Variants in XIRP2 observed in about 807,000 individuals in gnomAD.
XIRP2 encodes xin actin-binding repeat-containing protein 2.
Under a neutral mutation model 277.0 loss-of-function variants are expected in XIRP2, and 236 were observed. The observed-to-expected ratio is 0.85, with a 90% CI of 0.77 to 0.95. The LOEUF (loss-of-function observed/expected upper bound fraction) is 0.95. Among genes scored for constraint, XIRP2 ranks in the 40% least tolerant of loss-of-function variants. The pLI, the probability that XIRP2 is intolerant of heterozygous loss-of-function variation, is 0.00. For missense variants in XIRP2, 4,640 were observed against 4,157.5 expected, an observed-to-expected ratio of 1.12 and a Z score of -3.19; for synonymous variants, 1,490 against 1,416.5, an observed-to-expected ratio of 1.05 and a Z score of -1.17.
At chr2:166,926,314 A>G (rs924439862) in intron 2 of XIRP2, among the ~76,000 whole-genome samples, 2 of 152,042 alleles carry the variant, frequency 1.3e-5, no homozygotes, top group Admixed American at 6.6e-5. Flanking sequence ...ACAATCTATC[A>G]TTATTGAAAT....
chr2:167,180,003 G>C (rs1692970298), intron 3 of XIRP2, among the ~76,000 whole-genome samples: 1 of 152,142 alleles, frequency 6.6e-6, no homozygotes, highest in African/African-American at 2.4e-5. Context: ...ATAAATAACA[G>C]AAAGTTGTCT....
intron 2 of XIRP2, among the ~76,000 whole-genome samples, chr2:167,088,857 C>T (rs1464167954): frequency 6.6e-5 from 10 of 152,078 alleles, no homozygotes; most frequent in Admixed American, 3.9e-4. Flanking sequence ...CACTATGCCC[C>T]AAGATAGATC....
chr2:167,212,446 T>A (rs1694076974), intron 4 of XIRP2, among the ~76,000 whole-genome samples: 1 of 152,206 alleles, frequency 6.6e-6, no homozygotes, highest in Non-Finnish European at 1.5e-5. Flanking sequence ...TTATGATGTG[T>A]TTAAAAAGGG....
At chr2:166,943,230 T>C in intron 2 of XIRP2, among the ~76,000 whole-genome samples, 1 of 152,270 alleles carries the variant, frequency 6.6e-6, no homozygotes, top group East Asian at 1.9e-4. Flanking sequence ...ATTTGTACCT[T>C]TTTATCTTCA....
chr2:167,220,870 G>A (rs1409833869), intron 5 of XIRP2, among the ~76,000 whole-genome samples: 3 of 152,144 alleles, frequency 2.0e-5, no homozygotes, highest in Non-Finnish European at 4.4e-5. Context: ...CCTTGCAAAT[G>A]TAGTTTATTA....
chr2:167,113,286 C>A (rs556436553), intron 2 of XIRP2, among the ~76,000 whole-genome samples: 1 of 152,138 alleles, frequency 6.6e-6, no homozygotes, highest in African/African-American at 2.4e-5. Flanking sequence ...GAATCTAAAT[C>A]TCTTATAGGT....
At chr2:167,093,372 G>C (rs565924604) in intron 2 of XIRP2, among the ~76,000 whole-genome samples, 1 of 151,982 alleles carries the variant, frequency 6.6e-6, no homozygotes, top group East Asian at 1.9e-4. Context: ...GAACATGCAG[G>C]TTTATTACAT....
chr2:167,025,669 G>T (rs371184914), intron 2 of XIRP2, among the ~76,000 whole-genome samples: 4,556 of 152,042 alleles, frequency 0.03, 77 homozygotes, highest in East Asian at 0.081. Flanking sequence ...TGTTCTCATT[G>T]GTTTCAAAGA....
At chr2:166,950,482 G>T (rs1014097057) in intron 2 of XIRP2, among the ~76,000 whole-genome samples, 2 of 152,014 alleles carry the variant, frequency 1.3e-5, no homozygotes, top group Non-Finnish European at 2.9e-5. Flanking sequence ...AAATAGGTTG[G>T]AAGGCAGAAT....
At chr2:167,238,206 T>A (rs1306856425) in intron 5 of XIRP2, among the ~76,000 whole-genome samples, 3 of 152,204 alleles carry the variant, frequency 2.0e-5, no homozygotes, top group Non-Finnish European at 4.4e-5. Context: ...AACTTTTCCT[T>A]AGCACAAACT....
chr2:167,020,107 T>C (rs1574170070), intron 2 of XIRP2, among the ~76,000 whole-genome samples: 1 of 152,016 alleles, frequency 6.6e-6, no homozygotes, highest in Non-Finnish European at 1.5e-5. Flanking sequence ...AATTAGAACA[T>C]TTGTTTCAAT....
rs908014063 is a variant in XIRP2 at position 167,052,188 on chromosome 2, G to A, written c.409-83721G>A. On this transcript the variant is annotated intron_variant, in intron 2 of 10. Coordinates refer to ENST00000409195, the MANE Select transcript of XIRP2 (RefSeq NM_152381.6). Reference sequence around the variant, plus strand: ...TACAGTTCATCCCCAAAACAGCCTTGGAGACTAAATGTTCTTATTCTTTTT... The same window carrying A: ...TACAGTTCATCCCCAAAACAGCCTTAGAGACTAAATGTTCTTATTCTTTTT... Among the ~76,000 whole-genome samples, 10 of 152,038 alleles carry A rather than the reference G, an allele frequency of 6.6e-5. No homozygotes were observed. In the Middle Eastern group the frequency reaches 0.01, roughly 155 times the overall value.
intron 2 of XIRP2, among the ~76,000 whole-genome samples, chr2:166,973,230 A>G (rs1021360676): frequency 6.6e-6 from 1 of 152,196 alleles, no homozygotes; most frequent in African/African-American, 2.4e-5. Context: ...ATTAAGTCAG[A>G]AATAACTGCT....
chr2:167,237,525 C>T (rs2105425586), intron 5 of XIRP2, among the ~76,000 whole-genome samples: 1 of 152,224 alleles, frequency 6.6e-6, no homozygotes, highest in South Asian at 2.1e-4. Context: ...AAAAGCCAGA[C>T]TCTGCCATGT....
At chr2:166,907,581 G>A (rs897944405) in intron 2 of XIRP2, among the ~76,000 whole-genome samples, 1 of 151,708 alleles carries the variant, frequency 6.6e-6, no homozygotes, top group Non-Finnish European at 1.5e-5. Flanking sequence ...TCCTCAGGTA[G>A]GTTACCCAGA....
intron 2 of XIRP2, among the ~76,000 whole-genome samples, chr2:167,131,070 G>T (rs1023293109): frequency 6.6e-6 from 1 of 151,990 alleles, no homozygotes; most frequent in African/African-American, 2.4e-5. Context: ...ATGTTCATTA[G>T]ACTTTGCATC....
At chr2:167,050,809 AC>A (rs1350407253) in intron 2 of XIRP2, among the ~76,000 whole-genome samples, 2 of 120,774 alleles carry the variant, frequency 1.7e-5, no homozygotes, top group African/African-American at 7.8e-5. Flanking sequence ...CACTGCTGGC[AC>A]ATTTTTTTTT....
chr2:167,258,505 A>T lies in XIRP2; in HGVS notation c.*688A>T, dbSNP rs778991603. The T allele has an allele frequency of 6.2e-7, 1 of 1,613,200 alleles. No homozygotes were observed. Among genetic ancestry groups the T allele is most frequent in the Non-Finnish European group, 8.5e-7 (1 of 1,179,624 alleles). ...CTGAAGACACAAAGAGTAACAGGAA[A>T]AGTGCTATGGATCTTAATGACAACA... On this transcript the variant is annotated 3_prime_UTR_variant, in exon 11 of 11. Transcript: ENST00000409195.
At chr2:166,912,500 G>T (rs964142417) in intron 2 of XIRP2, among the ~76,000 whole-genome samples, 3 of 152,076 alleles carry the variant, frequency 2.0e-5, no homozygotes, top group Non-Finnish European at 2.9e-5. Context: ...ATTCTAGTTA[G>T]CCATTAGTCT....
Sources: gnomAD v4.1 joint callset for allele counts (sites outside exome capture counted in the v4.1 genomes callset) on GRCh38, gnomAD v4.1.1 for gene constraint, MANE v1.5 for transcripts, NCBI Gene and HGNC (gene_info 2026-07-23, HGNC 2026-07-21) for gene names.